Variants in ERP44 observed in about 807,000 individuals in gnomAD.
The protein encoded by ERP44 is endoplasmic reticulum protein 44.
A neutral mutation model predicts 53.4 loss-of-function variants in ERP44; 25 were observed. That is an observed-to-expected ratio of 0.47 (90% CI 0.34 to 0.65). ERP44 has a LOEUF of 0.65. Ranked by LOEUF, ERP44 falls within the 30% of genes least tolerant of loss-of-function variation. The probability of loss-of-function intolerance (pLI) is 0.01; values close to 1 mark genes in which losing one functional copy is unlikely to be tolerated. For missense variants in ERP44, 338 were observed against 493.2 expected, an observed-to-expected ratio of 0.69 and a Z score of 2.98; for synonymous variants, 145 against 161.2, an observed-to-expected ratio of 0.90 and a Z score of 0.76.
At chr9:100,086,082 A>C (rs1318890721) in intron 1 of ERP44, among the ~76,000 whole-genome samples, 2 of 152,196 alleles carry the variant, frequency 1.3e-5, no homozygotes, top group African/African-American at 4.8e-5. Flanking sequence ...AGTCAGAGAT[A>C]ATCTTTTTTG....
intron 1 of ERP44, among the ~76,000 whole-genome samples, chr9:100,069,287 TA>T (rs1176610914): frequency 0.026 from 2,010 of 76,196 alleles, 25 homozygotes; most frequent in African/African-American, 0.086. Context: ...GAATGATCAA[TA>T]AAAAAAAAAA....
intron 11 of ERP44, among the ~76,000 whole-genome samples, chr9:99,983,961 T>C (rs1830173840): frequency 6.6e-6 from 1 of 152,186 alleles, no homozygotes; most frequent in Admixed American, 6.5e-5. Flanking sequence ...ACAATAACGG[T>C]AAATGACATC....
intron 10 of ERP44, among the ~76,000 whole-genome samples, chr9:99,985,629 T>C (rs1189717729): frequency 1.3e-5 from 2 of 152,206 alleles, no homozygotes; most frequent in East Asian, 3.8e-4. Context: ...CTTTTGAGGT[T>C]CGGGTCCTTA....
chr9:100,057,898 T>C (rs1037698963), intron 2 of ERP44, 39 bp from the exon 3 acceptor site: 11 of 1,466,032 alleles, frequency 7.5e-6, no homozygotes, highest in Middle Eastern at 1.7e-4. Context: ...ATATTTGTAA[T>C]AATTTTGACA....
chr9:100,013,856 C>T (rs533808759), intron 8 of ERP44, among the ~76,000 whole-genome samples: 5 of 152,266 alleles, frequency 3.3e-5, no homozygotes, highest in Non-Finnish European at 7.4e-5. Flanking sequence ...ATGTTCATAG[C>T]AGCATTATTC....
At chr9:100,060,237 G>A in intron 1 of ERP44, 65 bp from the exon 2 acceptor site, 1 of 1,336,854 alleles carries the variant, frequency 7.5e-7, no homozygotes, top group Non-Finnish European at 9.7e-7. Context: ...TAAAAGCGAA[G>A]TCTAAAAATA....
intron 1 of ERP44, among the ~76,000 whole-genome samples, chr9:100,077,337 T>C (rs747306872): frequency 6.6e-6 from 1 of 152,196 alleles, no homozygotes; most frequent in Non-Finnish European, 1.5e-5. Context: ...TTCTCCATCA[T>C]CCTGAAGCAG....
At chr9:100,093,130 A>G (rs1826580243) in intron 1 of ERP44, among the ~76,000 whole-genome samples, 2 of 152,234 alleles carry the variant, frequency 1.3e-5, no homozygotes, top group African/African-American at 4.8e-5. Flanking sequence ...GAAGTAAGCT[A>G]CAGTGCATTT....
intron 1 of ERP44, among the ~76,000 whole-genome samples, chr9:100,061,581 C>T (rs10819722): frequency 8.7e-5 from 11 of 126,678 alleles, no homozygotes; most frequent in South Asian, 2.5e-4. Flanking sequence ...TTTATAGAAA[C>T]GTATATATTT....
At chr9:100,068,492 G>A (rs866494827) in intron 1 of ERP44, among the ~76,000 whole-genome samples, 17 of 141,518 alleles carry the variant, frequency 1.2e-4, no homozygotes, top group Admixed American at 6.2e-4. Flanking sequence ...CCCTCTGCCC[G>A]GCCAGCCGCC....
intron 3 of ERP44, among the ~76,000 whole-genome samples, chr9:100,055,375 G>C (rs180889399): frequency 6.6e-6 from 1 of 151,868 alleles, no homozygotes; most frequent in Non-Finnish European, 1.5e-5. Context: ...TTTTTTGTTT[G>C]TTTTTGTTTT....
intron 3 of ERP44, among the ~76,000 whole-genome samples, chr9:100,053,599 A>G (rs1826059178): frequency 6.6e-6 from 1 of 152,226 alleles, no homozygotes; most frequent in Non-Finnish European, 1.5e-5. Context: ...TTAATATACT[A>G]AATACTGTAG....
intron 1 of ERP44, among the ~76,000 whole-genome samples, chr9:100,071,101 T>TTG (rs556013534): frequency 8.5e-4 from 127 of 149,638 alleles, no homozygotes; most frequent in African/African-American, 2.9e-3. Context: ...AGGTTTTTTT[T>TTG]TTTTTTTTTT....
chr9:100,061,425 C>T (rs1272741249), intron 1 of ERP44, among the ~76,000 whole-genome samples: 2 of 150,212 alleles, frequency 1.3e-5, no homozygotes, highest in Non-Finnish European at 3.0e-5. Context: ...GCCTGGGCAA[C>T]AGAGCAAGAC....
chr9:100,039,335 A>G (rs995666519), intron 4 of ERP44, among the ~76,000 whole-genome samples: 27 of 152,332 alleles, frequency 1.8e-4, no homozygotes, highest in African/African-American at 5.5e-4. Context: ...TATCTCAAGC[A>G]TCTCCTCTGA....
At chr9:100,005,369 G>A (rs1163388375) in intron 10 of ERP44, among the ~76,000 whole-genome samples, 1 of 152,082 alleles carries the variant, frequency 6.6e-6, no homozygotes. Context: ...ATTCTTTGAG[G>A]GCAGGGACCC....
intron 4 of ERP44, among the ~76,000 whole-genome samples, chr9:100,045,695 A>G (rs2118696525): frequency 1.3e-5 from 2 of 152,254 alleles, no homozygotes; most frequent in African/African-American, 4.8e-5. Flanking sequence ...CAGACAGACT[A>G]AAGTACTCAA....
At chr9:100,077,176 T>G (rs1826367173) in intron 1 of ERP44, among the ~76,000 whole-genome samples, 1 of 152,238 alleles carries the variant, frequency 6.6e-6, no homozygotes, top group Non-Finnish European at 1.5e-5. Flanking sequence ...ACACAATGCT[T>G]CTGCCAAGAC....
intron 11 of ERP44, among the ~76,000 whole-genome samples, chr9:99,984,048 G>C (rs567509596): frequency 1.3e-5 from 2 of 152,248 alleles, no homozygotes; most frequent in East Asian, 3.9e-4. Context: ...TAGCCAACAA[G>C]TTTGCCTCCT....
Sources: gnomAD v4.1 joint callset for allele counts (sites outside exome capture counted in the v4.1 genomes callset) on GRCh38, gnomAD v4.1.1 for gene constraint, MANE v1.5 for transcripts, NCBI Gene and HGNC (gene_info 2026-07-23, HGNC 2026-07-21) for gene names.